Variants in SLC25A48 observed in about 807,000 individuals in gnomAD.
SLC25A48 encodes the protein CTC-321K16.1.
Under a neutral mutation model 32.2 loss-of-function variants are expected in SLC25A48, and 29 were observed. That is an observed-to-expected ratio of 0.90 (90% CI 0.67 to 1.23). SLC25A48 has a LOEUF of 1.23. Among genes scored for constraint, SLC25A48 ranks in the 50% most tolerant of loss-of-function variants. SLC25A48 has a pLI of 0.00. For synonymous variants in SLC25A48, 164 were observed against 172.3 expected, an observed-to-expected ratio of 0.95 and a Z score of 0.38; for missense variants, 399 against 422.7, an observed-to-expected ratio of 0.94 and a Z score of 0.49.
intron 3 of SLC25A48, among the ~76,000 whole-genome samples, chr5:135,663,642 G>T (rs1460187610): frequency 6.6e-6 from 1 of 152,226 alleles, no homozygotes; most frequent in Non-Finnish European, 1.5e-5. Flanking sequence ...AGTGAATGAA[G>T]ACTGGAACAG....
chr5:135,872,278 T>C (rs1761716735), intron 5 of SLC25A48: 1 of 175,488 alleles, frequency 5.7e-6, no homozygotes, highest in African/African-American at 2.4e-5. Context: ...CATCCTTCTT[T>C]CATTTAAGGT....
chr5:135,877,034 G>A (rs1469788447), intron 6 of SLC25A48, among the ~76,000 whole-genome samples: 1 of 152,190 alleles, frequency 6.6e-6, no homozygotes, highest in Non-Finnish European at 1.5e-5. Context: ...GAAAGAGTTA[G>A]AAAGGCATTA....
At chr5:135,768,461 A>G (rs966087305) in intron 3 of SLC25A48, among the ~76,000 whole-genome samples, 4 of 151,356 alleles carry the variant, frequency 2.6e-5, no homozygotes. Flanking sequence ...ATTACTTCTA[A>G]TATCCCAGGG....
intron 3 of SLC25A48, among the ~76,000 whole-genome samples, chr5:135,764,025 C>T (rs1756133881): frequency 6.6e-6 from 1 of 152,110 alleles, no homozygotes; most frequent in Non-Finnish European, 1.5e-5. Context: ...TGATATTACT[C>T]CCCATATTTC....
intron 3 of SLC25A48, among the ~76,000 whole-genome samples, chr5:135,702,333 A>G (rs1464788813): frequency 3.9e-5 from 6 of 152,366 alleles, no homozygotes; most frequent in Middle Eastern, 3.4e-3. Context: ...CCTTATCAGC[A>G]GGCCATGTGA....
chr5:135,612,357 G>T (rs1038592434), intron 1 of SLC25A48, among the ~76,000 whole-genome samples: 2 of 152,140 alleles, frequency 1.3e-5, no homozygotes, highest in Non-Finnish European at 2.9e-5. Context: ...GGTATCTATC[G>T]TCTTGAGGAT....
At position 135,863,830 on chromosome 5, in the gene SLC25A48, G is replaced by T. The variant is rs1165002170; in HGVS notation, c.422-7631G>T. ...AGTAGGAGGAAGGAGCATGTGGAGG[G>T]GAAAAATGCTAAAGTTGGGGTGATG... On this transcript the variant is annotated intron_variant, in intron 4 of 7. Transcript: ENST00000681962. Among the ~76,000 whole-genome samples, 3 of 152,130 alleles carry T rather than the reference G, an allele frequency of 2.0e-5. No individual in the cohort carries two copies. The East Asian group carries it at 5.8e-4, about 29-fold the overall frequency.
chr5:135,854,524 C>T (rs750327430), intron 4 of SLC25A48, among the ~76,000 whole-genome samples: 2 of 152,200 alleles, frequency 1.3e-5, no homozygotes, highest in Non-Finnish European at 2.9e-5. Flanking sequence ...ACCTCATGAA[C>T]CAACCACTGC....
chr5:135,644,498 T>G (rs1398041521), intron 3 of SLC25A48, among the ~76,000 whole-genome samples: 1 of 152,158 alleles, frequency 6.6e-6, no homozygotes, highest in Non-Finnish European at 1.5e-5. Flanking sequence ...CTAATATTAA[T>G]GAAAATAGCC....
intron 3 of SLC25A48, among the ~76,000 whole-genome samples, chr5:135,730,355 C>G (rs558161222): frequency 2.0e-5 from 3 of 152,216 alleles, no homozygotes; most frequent in Admixed American, 1.3e-4. Flanking sequence ...CTCACAAGAT[C>G]TGATGGTTTT....
chr5:135,886,265 C>T (rs1230331559), intron 7 of SLC25A48, among the ~76,000 whole-genome samples: 1 of 151,988 alleles, frequency 6.6e-6, no homozygotes, highest in Non-Finnish European at 1.5e-5. Context: ...GCTGCCCAGC[C>T]TCAGCCCAGC....
At chr5:135,598,848 C>T (rs980797058) in intron 1 of SLC25A48, among the ~76,000 whole-genome samples, 5 of 152,086 alleles carry the variant, frequency 3.3e-5, no homozygotes, top group Non-Finnish European at 7.4e-5. Context: ...GCGCAGCGTC[C>T]GTAAACCAGC....
intron 1 of SLC25A48, among the ~76,000 whole-genome samples, chr5:135,589,280 T>C (rs1322524305): frequency 6.6e-6 from 1 of 152,196 alleles, no homozygotes; most frequent in Non-Finnish European, 1.5e-5. Context: ...GTGTCTCTAG[T>C]TTATACTTGC....
chr5:135,712,881 A>G (rs1334732957), intron 3 of SLC25A48, among the ~76,000 whole-genome samples: 1 of 152,114 alleles, frequency 6.6e-6, no homozygotes, highest in Non-Finnish European at 1.5e-5. Context: ...CTGCAAAGCA[A>G]CTATGCATGC....
chr5:135,662,135 A>G (rs1237052966), intron 3 of SLC25A48, among the ~76,000 whole-genome samples: 1 of 152,152 alleles, frequency 6.6e-6, no homozygotes, highest in African/African-American at 2.4e-5. Context: ...TCAGACTGCT[A>G]GGGAAAGATA....
intron 3 of SLC25A48, among the ~76,000 whole-genome samples, chr5:135,785,644 G>A (rs62364665): frequency 6.6e-6 from 1 of 150,602 alleles, no homozygotes; most frequent in Non-Finnish European, 1.5e-5. Context: ...AAAAGAGAGG[G>A]TGATAATGCT....
upstream of SLC25A48, among the ~76,000 whole-genome samples, chr5:135,833,119 C>T (rs1758269443): frequency 6.6e-6 from 1 of 152,218 alleles, no homozygotes; most frequent in Non-Finnish European, 1.5e-5. Flanking sequence ...TAGGGTCCTC[C>T]CCTCACTTCC....
At chr5:135,835,421 G>T (rs988630005) in intron 1 of SLC25A48, among the ~76,000 whole-genome samples, 2 of 152,182 alleles carry the variant, frequency 1.3e-5, no homozygotes, top group Admixed American at 6.5e-5. Context: ...TTGCCAGGCT[G>T]CGAGGAGCAC....
At chr5:135,718,429 ATC>A (rs993916736) in intron 3 of SLC25A48, among the ~76,000 whole-genome samples, 1 of 152,152 alleles carries the variant, frequency 6.6e-6, no homozygotes, top group African/African-American at 2.4e-5. Context: ...TCTGGGAAGA[ATC>A]TCTCTCTTTG....
Sources: gnomAD v4.1 joint callset for allele counts (sites outside exome capture counted in the v4.1 genomes callset) on GRCh38, gnomAD v4.1.1 for gene constraint, MANE v1.5 for transcripts, NCBI Gene and HGNC (gene_info 2026-07-23, HGNC 2026-07-21) for gene names.